TTBK2: variants seen among roughly 807,000 people sequenced by gnomAD.
TTBK2 encodes tau tubulin kinase 2, also known as tau-tubulin kinase 2.
TTBK2 carries 28 observed loss-of-function variants against 110.8 expected under a neutral mutation model. The observed-to-expected ratio is 0.25, with a 90% confidence interval of 0.19 to 0.35. The LOEUF (loss-of-function observed/expected upper bound fraction) is 0.35, where lower values mean the gene tolerates loss of function less well. TTBK2 is among the 10% of genes least tolerant of loss of function. TTBK2 has a pLI of 1.00. For synonymous variants in TTBK2, 532 were observed against 527.3 expected (o/e 1.01, Z -0.12); for missense variants, 1,369 against 1,500.3 (o/e 0.91, Z 1.45).
rs1567008704 is a variant in TTBK2 at position 42,763,147 on chromosome 15, T to TATATATACAC, written c.1999-9901_1999-9900insGTGTATATAT. On this transcript the variant is annotated intron_variant, in intron 13 of 14. Transcript: ENST00000267890. ...ATATATATACATATATACATACATATATATATATACATATATATATATATA... is the reference window on the plus strand; with the variant it reads ...ATATATATACATATATACATACATATATATATACACATATATATACATATATATATATATA... Among the ~76,000 whole-genome samples the TATATATACAC allele has an allele frequency of 2.2e-3, 161 of 74,634 alleles. 5 individuals are homozygous for TATATATACAC. Among genetic ancestry groups the TATATATACAC allele is most frequent in the African/African-American group, 4.0e-3 (51 of 12,644 alleles). The allele number at this position is 74,634 out of a possible 152,430, so 49.0% of individuals were successfully genotyped here.
intron 6 of TTBK2, among the ~76,000 whole-genome samples, chr15:42,824,373 T>C (rs1017894921): frequency 3.9e-5 from 6 of 152,220 alleles, no homozygotes; most frequent in Non-Finnish European, 8.8e-5. Context: ...AATAATATTA[T>C]ACCAACATCA....
chr15:42,803,951 C>T (rs1178561677), intron 9 of TTBK2, among the ~76,000 whole-genome samples: 3 of 134,590 alleles, frequency 2.2e-5, no homozygotes, highest in East Asian at 2.3e-4. Flanking sequence ...TGCTTTAACC[C>T]GGGAGGTGGA....
chr15:42,856,023 G>A (rs1893929332), intron 3 of TTBK2, among the ~76,000 whole-genome samples: 1 of 152,130 alleles, frequency 6.6e-6, no homozygotes, highest in Non-Finnish European at 1.5e-5. Flanking sequence ...AAACAAAAGA[G>A]AAGAAAACTC....
Position 42,804,163 on chromosome 15 carries a change from G to A in TTBK2, c.822+6451C>T, listed in dbSNP as rs116983696. Among the ~76,000 whole-genome samples, 524 of 151,994 alleles carry A rather than the reference G, an allele frequency of 3.4e-3. 16 individuals carry two copies. In the East Asian group the frequency reaches 0.081, roughly 24 times the overall value. ...TTACCTCATTAAAAATATTAACAAT[G>A]GCCAGTTGCCATGGCTCACACCTGT... is the stretch of plus-strand genomic sequence containing the variant. On this transcript the variant is annotated intron_variant, in intron 9 of 14. Transcript: ENST00000267890.
At chr15:42,765,817 C>CA (rs1400128120) in intron 13 of TTBK2, among the ~76,000 whole-genome samples, 9 of 152,136 alleles carry the variant, frequency 5.9e-5, no homozygotes, top group Non-Finnish European at 1.2e-4. Flanking sequence ...ACAAAATTGT[C>CA]AGATTCACCA....
intron 13 of TTBK2, among the ~76,000 whole-genome samples, chr15:42,770,126 T>C (rs117816526): frequency 6.7e-6 from 1 of 150,132 alleles, no homozygotes; most frequent in African/African-American, 2.5e-5. Flanking sequence ...GGGGGAGGGA[T>C]AGCAGAAATA....
intron 13 of TTBK2, among the ~76,000 whole-genome samples, chr15:42,760,626 A>C (rs955933012): frequency 2.0e-5 from 3 of 152,204 alleles, no homozygotes; most frequent in Admixed American, 6.5e-5. Flanking sequence ...TAACCAAAGA[A>C]GTGAAAGATC....
chr15:42,845,589 G>A (rs549481936), intron 3 of TTBK2, among the ~76,000 whole-genome samples: 1 of 123,188 alleles, frequency 8.1e-6, no homozygotes, highest in Non-Finnish European at 1.6e-5. Context: ...GGCCGAGATC[G>A]CACAATTGCA....
At chr15:42,857,062 CAAAAA>C (rs766162513) in intron 3 of TTBK2, among the ~76,000 whole-genome samples, 1 of 108,898 alleles carries the variant, frequency 9.2e-6, no homozygotes, top group Non-Finnish European at 2.0e-5. Flanking sequence ...CTCTGTCTCA[CAAAAA>C]AAAAAAAAAA....
rs2140552518 is a variant in TTBK2, at chr15:42,745,775, A to G, written c.*20T>C. 1.2e-6 allele frequency: 2 copies of G among 1,613,536 alleles called. No individual in the cohort carries two copies. Among genetic ancestry groups the G allele is most frequent in the Middle Eastern group, 1.8e-4 (1 of 5,628 alleles). Reference sequence around the variant, plus strand: ...TTAGGAGGAAGATCTCACACCTTTCAAAGAGATGCAGCCTGGCTCCTATCT... The same window carrying G: ...TTAGGAGGAAGATCTCACACCTTTCGAAGAGATGCAGCCTGGCTCCTATCT... On this transcript the variant is annotated 3_prime_UTR_variant, in exon 15 of 15. Transcript: ENST00000267890.
intron 10 of TTBK2, among the ~76,000 whole-genome samples, chr15:42,790,455 T>G (rs1725808284): frequency 6.6e-6 from 1 of 151,430 alleles, no homozygotes; most frequent in Admixed American, 6.6e-5. Context: ...CAGCTAATTT[T>G]TGTATTTTTT....
At chr15:42,903,368 A>G (rs1406311716) in intron 1 of TTBK2, among the ~76,000 whole-genome samples, 1 of 152,210 alleles carries the variant, frequency 6.6e-6, no homozygotes, top group Non-Finnish European at 1.5e-5. Context: ...TTTCAGAACA[A>G]TGGAAATGTA....
At chr15:42,767,981 T>C (rs573184849) in intron 13 of TTBK2, among the ~76,000 whole-genome samples, 1 of 152,198 alleles carries the variant, frequency 6.6e-6, no homozygotes, top group Non-Finnish European at 1.5e-5. Flanking sequence ...TAAACATAAT[T>C]CATCACATAA....
At position 42,830,004 on chromosome 15, in the gene TTBK2, A is replaced by G; in HGVS notation, c.366T>C (p.Gly122=). The G allele has an allele frequency of 1.2e-6, 2 of 1,614,146 alleles. No individual in the cohort carries two copies. The highest frequency in any genetic ancestry group is 2.2e-5 in the South Asian group (2 of 91,080). The change falls in exon 5 of 15, where the codon GGT becomes GGC. Residue 122 remains glycine (G), a synonymous_variant. Transcript: ENST00000267890. ...TTTCAATAGACTCCAAAATCTGTCT[A>G]CCCAGCCGGAGAGTGGTACTAATGG... The part of the protein sequence containing the change: ...TFTISTTLRL[G]RQILESIESI...
chr15:42,846,344 C>A (rs901159667), intron 3 of TTBK2, among the ~76,000 whole-genome samples: 3 of 151,988 alleles, frequency 2.0e-5, no homozygotes, highest in African/African-American at 7.3e-5. Flanking sequence ...CGTGCACCAC[C>A]ATGCCCGGCT....
intron 4 of TTBK2, among the ~76,000 whole-genome samples, chr15:42,833,706 C>T (rs1892870287): frequency 6.6e-6 from 1 of 151,862 alleles, no homozygotes; most frequent in African/African-American, 2.4e-5. Context: ...GACCTCATCA[C>T]TACAAAATAT....
At chr15:42,794,065 AC>A (rs1464470866) in intron 10 of TTBK2, among the ~76,000 whole-genome samples, 2 of 147,612 alleles carry the variant, frequency 1.4e-5, no homozygotes, top group Admixed American at 1.3e-4. Context: ...TTTTTTTTTG[AC>A]CAAAAAGTTT....
chr15:42,866,300 TAAAAG>T (rs1343076488), intron 3 of TTBK2, among the ~76,000 whole-genome samples: 3 of 151,870 alleles, frequency 2.0e-5, no homozygotes, highest in East Asian at 1.9e-4. Flanking sequence ...GTAATAATAA[TAAAAG>T]AAGAGTATTA....
At chr15:42,779,952 C>T (rs1160519503) in intron 11 of TTBK2, among the ~76,000 whole-genome samples, 2 of 151,934 alleles carry the variant, frequency 1.3e-5, no homozygotes. Context: ...GCACTCCAGC[C>T]TAGGTGACAG....
Sources: allele counts gnomAD v4.1 joint callset (sites outside exome capture counted in the v4.1 genomes callset), GRCh38; gene constraint gnomAD v4.1.1; transcripts MANE v1.5; gene names NCBI Gene and HGNC (gene_info 2026-07-23, HGNC 2026-07-21).